Variants in NRSN1 observed in about 807,000 individuals in gnomAD.
NRSN1 encodes neurensin 1, also known as neurensin-1.
A neutral mutation model predicts 17.3 loss-of-function variants in NRSN1; 14 were observed. That is an observed-to-expected ratio of 0.81 (90% CI 0.54 to 1.27). NRSN1 has a LOEUF of 1.27. Ranked by LOEUF, NRSN1 falls within the 50% of genes most tolerant of loss-of-function variation. NRSN1 has a pLI of 0.00. For missense variants in NRSN1, 209 were observed against 235.9 expected (o/e 0.89, Z 0.75); for synonymous variants, 79 against 94.2 (o/e 0.84, Z 0.93).
At chr6:24,141,916 T>G (rs780210361) in intron 3 of NRSN1, among the ~76,000 whole-genome samples, 1 of 152,166 alleles carries the variant, frequency 6.6e-6, no homozygotes, top group Non-Finnish European at 1.5e-5. Context: ...AAGATAACTT[T>G]CGGCTACCCT....
chr6:24,129,980 A>C (rs574614747), intron 2 of NRSN1, among the ~76,000 whole-genome samples: 7 of 152,326 alleles, frequency 4.6e-5, no homozygotes, highest in African/African-American at 1.7e-4. Flanking sequence ...ACTAATGTGG[A>C]TTGAATTAAA....
In NRSN1 at chr6:24,145,553, A is replaced by G; in HGVS notation, c.195A>G (p.Gly65=). 3.9e-6 allele frequency: 6 copies of G among 1,557,040 alleles called. No individual in the cohort carries two copies. The highest frequency in any genetic ancestry group is 1.4e-5 in the African/African-American group (1 of 73,602). Residue 65 remains glycine (G), a synonymous_variant, in exon 4 of 4, where the codon GGA becomes GGG. Coordinates refer to ENST00000378491, the MANE Select transcript of NRSN1 (RefSeq NM_080723.5). The surrounding 1 kb of genome is among the most constrained non-coding windows in gnomAD (Gnocchi z 4.4). ...NRWSSVFWKV[G]LISGTVFVIL... is the part of the protein sequence containing the mutation. ...CTGTCATTATCTACCTGTAGGTTGG[A>G]CTCATCTCAGGTACAGTTTTTGTGA...
At chr6:24,134,004 T>TGTGTGTGTGTGTG (rs1760075346) in intron 2 of NRSN1, among the ~76,000 whole-genome samples, 25 of 132,946 alleles carry the variant, frequency 1.9e-4, no homozygotes, top group Admixed American at 3.0e-4. Context: ...ACCCAGCTAA[T>TGTGTGTGTGTGTG]TGTGTGTGTG....
At chr6:24,140,948 T>C in intron 3 of NRSN1, 1 of 1,343,120 alleles carries the variant, frequency 7.4e-7, no homozygotes, top group Non-Finnish European at 9.6e-7. Flanking sequence ...TCACACATCC[T>C]CCCACAGCCA....
intron 1 of NRSN1, among the ~76,000 whole-genome samples, chr6:24,127,845 G>A (rs1759971873): frequency 1.3e-5 from 2 of 152,058 alleles, no homozygotes; most frequent in African/African-American, 4.8e-5. Context: ...ATGGAATATG[G>A]TTATGTAAAA....
intron 3 of NRSN1, among the ~76,000 whole-genome samples, chr6:24,134,866 T>C (rs1392368041): frequency 1.3e-5 from 2 of 152,178 alleles, no homozygotes; most frequent in Non-Finnish European, 2.9e-5. Flanking sequence ...GTGGTAAGTA[T>C]CATCTGACAA....
In NRSN1 at chr6:24,134,561, T is replaced by G. The variant is rs573620807; in HGVS notation, c.189+45T>G. On this transcript the variant is annotated intron_variant, in intron 3 of 3. Transcript: ENST00000378491. ...TTAACTTAGGGAATGGAAAAATTAT[T>G]GGACATGGTTAATACTGCAGCTGTG... 1.1e-5 allele frequency: 16 copies of G among 1,512,680 alleles called. No individual in the cohort carries two copies. The Admixed American group carries it at 2.5e-4, about 24-fold the overall frequency. 93.7% of individuals were successfully genotyped at this position (1,512,680 alleles called of 1,614,324 possible).
At chr6:24,133,626 T>G (rs1760070305) in intron 2 of NRSN1, among the ~76,000 whole-genome samples, 1 of 152,182 alleles carries the variant, frequency 6.6e-6, no homozygotes, top group Admixed American at 6.5e-5. Context: ...TCTAAGAGAT[T>G]AAAGATTTCT....
chr6:24,145,931 T>C lies in NRSN1; in HGVS notation c.573T>C (p.Pro191=), dbSNP rs1464443595. Residue 191 remains proline (P), a synonymous_variant, in exon 4 of 4, where the codon CCT becomes CCC. Coordinates refer to ENST00000378491, the MANE Select transcript of NRSN1 (RefSeq NM_080723.5). This position sits in a 1 kb window ranked among gnomAD's most constrained non-coding sequence, Gnocchi z 4.4. ...TGTCCAGGGTTCAAAATGTCCAGCC[T>C]CTACTGGCAACCTGAAACCTTTCCC... ...VTLSRVQNVQ[P]LLAT 1 of 1,607,354 alleles carries C rather than the reference T, an allele frequency of 6.2e-7. No homozygotes were observed. Among genetic ancestry groups the C allele is most frequent in the Non-Finnish European group, 8.5e-7 (1 of 1,177,554 alleles).
chr6:24,133,249 T>A (rs1179191573), intron 2 of NRSN1, among the ~76,000 whole-genome samples: 1 of 152,182 alleles, frequency 6.6e-6, no homozygotes, highest in South Asian at 2.1e-4. Flanking sequence ...TTGTGTCCAC[T>A]CTCCACATTA....
At position 24,134,242 on chromosome 6, in the gene NRSN1, G is replaced by C. The variant is rs933216787; in HGVS notation, c.-9-77G>C. ...AACTAGGCATACATTACTCAGTCTG[G>C]TTCTTACCTTTCATATGTCTTTTGA... On this transcript the variant is annotated intron_variant, in intron 2 of 3. Coordinates refer to ENST00000378491, the MANE Select transcript of NRSN1 (RefSeq NM_080723.5). The C allele has an allele frequency of 9.2e-6, 11 of 1,195,436 alleles. 1 individual carries two copies. Among genetic ancestry groups the C allele is most frequent in the Middle Eastern group, 5.5e-4 (2 of 3,616 alleles). The allele number at this position is 1,195,436 out of a possible 1,614,324, so 74.1% of individuals were successfully genotyped here.
intron 3 of NRSN1, among the ~76,000 whole-genome samples, chr6:24,142,216 A>ATTTTTTTTTTT (rs1760221927): frequency 1.7e-4 from 2 of 11,430 alleles, no homozygotes; most frequent in Admixed American, 1.6e-3. Flanking sequence ...TTTTTTTTTC[A>ATTTTTTTTTTT]GAAGACATCC....
At chr6:24,128,031 T>C (rs1759976165) in intron 1 of NRSN1, 97 bp from the exon 2 acceptor site, 1 of 152,230 alleles carries the variant, frequency 6.6e-6, no homozygotes. Context: ...AATGCTTTTG[T>C]GAACATTAAA....
intron 3 of NRSN1, among the ~76,000 whole-genome samples, chr6:24,142,578 G>A (rs9467051): frequency 6.6e-6 from 1 of 152,062 alleles, no homozygotes; most frequent in Non-Finnish European, 1.5e-5. Flanking sequence ...TCCTGCCTCA[G>A]ACTCCCAAGT....
rs536527383 is a variant in NRSN1, at chr6:24,146,077, G to A, written c.*131G>A. 4.2e-6 allele frequency: 4 copies of A among 952,726 alleles called. No individual in the cohort carries two copies. The highest frequency in any genetic ancestry group is 1.3e-5 in the South Asian group (1 of 74,518). 59.0% of individuals were successfully genotyped at this position (952,726 alleles called of 1,614,324 possible). On this transcript the variant is annotated 3_prime_UTR_variant, in exon 4 of 4. Coordinates refer to ENST00000378491, the MANE Select transcript of NRSN1 (RefSeq NM_080723.5). Reference sequence around the variant, plus strand: ...TGTTCAGCTGTGGGCAATATAATGGGTGGACTCACACTTGCTCAGTTCAGG... The same window carrying A: ...TGTTCAGCTGTGGGCAATATAATGGATGGACTCACACTTGCTCAGTTCAGG...
At position 24,126,374 on chromosome 6, in the gene NRSN1, GCTTT is replaced by G. The variant is rs1759948741; in HGVS notation, c.-83+37_-83+40del. On this transcript the variant is annotated intron_variant, in intron 1 of 3. Coordinates refer to ENST00000378491, the MANE Select transcript of NRSN1 (RefSeq NM_080723.5). ...AGCCACGCAGAGTCCAGGGGTGGCG[GCTTT>G]CTATTCTCCAAATGTCTTTCTCCAG... 4 of 156,192 alleles carry G rather than the reference GCTTT, an allele frequency of 2.6e-5. No homozygotes were observed. In the Admixed American group the frequency reaches 2.6e-4, roughly 10 times the overall value. 9.7% of individuals were successfully genotyped at this position (156,192 alleles called of 1,614,324 possible).
chr6:24,128,942 T>C (rs1759990842), intron 2 of NRSN1: 2 of 152,340 alleles, frequency 1.3e-5, no homozygotes, highest in South Asian at 2.1e-4. Flanking sequence ...ACAAAGAATA[T>C]AATGTCTGTA....
Position 24,145,225 on chromosome 6 carries a change from A to C in NRSN1, c.190-323A>C, listed in dbSNP as rs1760282824. Among the ~76,000 whole-genome samples, 1 of 146,522 alleles carries C rather than the reference A, an allele frequency of 6.8e-6. No individual in the cohort carries two copies. Among genetic ancestry groups the C allele is most frequent in the Non-Finnish European group, 1.5e-5 (1 of 66,790 alleles). The stretch of plus-strand genomic sequence containing the variant: ...TATATCTTTAGATAATATAAAGATT[A>C]TATATATCTTTAGATAATATAAAGA... On this transcript the variant is annotated intron_variant, in intron 3 of 3. Transcript: ENST00000378491. This position sits in a 1 kb window ranked among gnomAD's most constrained non-coding sequence, Gnocchi z 4.4.
At chr6:24,140,074 A>G (rs551486284) in intron 3 of NRSN1, among the ~76,000 whole-genome samples, 5 of 152,342 alleles carry the variant, frequency 3.3e-5, no homozygotes, top group South Asian at 2.1e-4. Context: ...TCAAGAAAGT[A>G]TAAGTGTTTA....
Sources: gnomAD v4.1 joint callset for allele counts (sites outside exome capture counted in the v4.1 genomes callset) on GRCh38, gnomAD v4.1.1 for gene constraint, Gnocchi (gnomAD v3.1) non-coding constraint, MANE v1.5 for transcripts, NCBI Gene and HGNC (gene_info 2026-07-23, HGNC 2026-07-21) for gene names.